The following ARIH1 variants were observed in gnomAD, a reference collection of about 807,000 sequenced individuals.
ARIH1 encodes the protein E3 ubiquitin-protein ligase ARIH1.
Under a neutral mutation model 85.0 loss-of-function variants are expected in ARIH1, and 8 were observed. The observed-to-expected ratio is 0.09, with a 90% CI of 0.06 to 0.17. The LOEUF is 0.17. Ranked by LOEUF, ARIH1 falls within the 10% of genes least tolerant of loss-of-function variation. The pLI is 1.00. For missense variants in ARIH1, 311 were observed against 718.1 expected (o/e 0.43, Z 6.48); for synonymous variants, 238 against 253.6 (o/e 0.94, Z 0.59).
At chr15:72,517,194 G>C (rs2063978881) in intron 1 of ARIH1, among the ~76,000 whole-genome samples, 1 of 152,008 alleles carries the variant, frequency 6.6e-6, no homozygotes, top group Non-Finnish European at 1.5e-5. Context: ...TTTTCATTTT[G>C]GTTAAATATC....
Position 72,596,286 on chromosome 15 carries a change from G to C in ARIH1, c.*12994G>C, listed in dbSNP as rs555637000. On this transcript the variant is annotated 3_prime_UTR_variant, in exon 14 of 14. Coordinates refer to ENST00000379887, the MANE Select transcript of ARIH1 (RefSeq NM_005744.5). ...AGTACTTTAAAGAAGTTATTTTATT[G>C]TACTCAGGCCTCATTTGTTTCTGGT... 1 of 152,124 alleles carries C rather than the reference G, an allele frequency of 6.6e-6. No individual in the cohort carries two copies. The highest frequency in any genetic ancestry group is 6.6e-5 in the Admixed American group (1 of 15,266). The allele number at this position is 152,124 out of a possible 1,614,324, so 9.4% of individuals were successfully genotyped here.
chr15:72,561,436 T>TA, intron 5 of ARIH1, 47 bp from the exon 6 acceptor site: 1 of 1,357,674 alleles, frequency 7.4e-7, no homozygotes, highest in Non-Finnish European at 1.0e-6. Flanking sequence ...ATGTGGAAAA[T>TA]ACTCTTGACT....
intron 2 of ARIH1, among the ~76,000 whole-genome samples, chr15:72,521,345 A>T (rs2063999189): frequency 6.6e-6 from 1 of 151,994 alleles, no homozygotes; most frequent in South Asian, 2.1e-4. Flanking sequence ...AACTCTTAAT[A>T]TACTGAAACT....
chr15:72,518,366 TG>T (rs556605922), intron 2 of ARIH1, among the ~76,000 whole-genome samples: 251 of 48,452 alleles, frequency 5.2e-3, no homozygotes, highest in African/African-American at 6.6e-3. Flanking sequence ...TATGTGTGTT[TG>T]GGGGTGTGCT....
rs1178554386 is a variant in ARIH1, at chr15:72,597,496, C to G, written c.*14204C>G. 1 of 152,032 alleles carries G rather than the reference C, an allele frequency of 6.6e-6. No homozygotes were observed. The highest frequency in any genetic ancestry group is 2.4e-5 in the African/African-American group (1 of 41,374). The allele number at this position is 152,032 out of a possible 1,614,324, so 9.4% of individuals were successfully genotyped here. On this transcript the variant is annotated 3_prime_UTR_variant, in exon 14 of 14. Transcript: ENST00000379887. ...TCTCAGCTCTCATGTGTGCCCTGCC[C>G]TTTTGTAGAGGAATGCCCACAATGC...
At chr15:72,501,010 A>T (rs1312074978) in intron 1 of ARIH1, among the ~76,000 whole-genome samples, 13 of 152,222 alleles carry the variant, frequency 8.5e-5, no homozygotes, top group Non-Finnish European at 1.8e-4. Flanking sequence ...TTCTTAGACC[A>T]AATATACACT....
At chr15:72,566,514 T>C (rs1366858595) in intron 7 of ARIH1, 49 bp from the exon 8 acceptor site, 1 of 1,474,822 alleles carries the variant, frequency 6.8e-7, no homozygotes, top group Middle Eastern at 1.7e-4. Context: ...ATTTACTTGC[T>C]TACAGTAGGT....
Position 72,474,775 on chromosome 15 carries a change from G to A in ARIH1, c.136G>A (p.Glu46Lys). The change falls in exon 1 of 14, where the codon GAG (glutamate) becomes AAG (lysine). Residue 46 changes from glutamate (E) to lysine (K), a missense_variant. Physicochemically the swap from Glu to Lys is moderately conservative, Grantham distance 56. Around this residue, in one of 3 missense-constraint regions of ARIH1, gnomAD observed 157 missense variants for 185.1 expected, o/e 0.85. Transcript: ENST00000379887. ...DDDTLDLGEV[E>K]LVEPGLGVGG... The stretch of plus-strand genomic sequence containing the variant: ...TGATACCCTGGATCTGGGCGAGGTG[G>A]AGCTGGTGGAGCCCGGGCTGGGCGT... The A allele has an allele frequency of 6.5e-7, 1 of 1,531,084 alleles. No individual in the cohort carries two copies. Among genetic ancestry groups the A allele is most frequent in the East Asian group, 2.7e-5 (1 of 37,276 alleles). The allele number at this position is 1,531,084 out of a possible 1,614,324, so 94.8% of individuals were successfully genotyped here.
In ARIH1 at chr15:72,474,647, C is replaced by A; in HGVS notation, c.8C>A (p.Ser3Ter). 1 of 1,532,350 alleles carries A rather than the reference C, an allele frequency of 6.5e-7. No homozygotes were observed. Among genetic ancestry groups the A allele is most frequent in the Non-Finnish European group, 8.8e-7 (1 of 1,141,152 alleles). The allele number at this position is 1,532,350 out of a possible 1,614,324, so 94.9% of individuals were successfully genotyped here. A position where few individuals can be genotyped will look rare whatever the true frequency, so the allele number is the denominator to read the frequency against. MD[S>*]DEGYNYEFDE... Reference sequence around the variant, plus strand: ...GCCCCCGCGCGTCGCGCCATGGACTCGGACGAGGGCTACAACTACGAGTTC... The same window carrying A: ...GCCCCCGCGCGTCGCGCCATGGACTAGGACGAGGGCTACAACTACGAGTTC... Residue 3 changes from serine to a stop codon, truncating the protein, a stop_gained, in exon 1 of 14, where the codon TCG (serine) becomes TAG (stop). Coordinates refer to ENST00000379887, the MANE Select transcript of ARIH1 (RefSeq NM_005744.5). LOFTEE classifies it high-confidence loss of function.
chr15:72,552,754 A>G (rs994761923), intron 3 of ARIH1, among the ~76,000 whole-genome samples: 29 of 150,814 alleles, frequency 1.9e-4, no homozygotes, highest in African/African-American at 7.1e-4. Flanking sequence ...AACAAACAAC[A>G]GGGATGGGAA....
chr15:72,540,455 C>T (rs1187218106), intron 2 of ARIH1, among the ~76,000 whole-genome samples: 1 of 151,910 alleles, frequency 6.6e-6, no homozygotes, highest in African/African-American at 2.4e-5. Context: ...TTAGTAATTT[C>T]CAAATAAACA....
At chr15:72,564,616 C>G (rs1385122822) in intron 7 of ARIH1, among the ~76,000 whole-genome samples, 1 of 152,198 alleles carries the variant, frequency 6.6e-6, no homozygotes, top group Non-Finnish European at 1.5e-5. Context: ...AGCACCCTCA[C>G]TTCTTGGTAC....
At position 72,586,101 on chromosome 15, in the gene ARIH1, C is replaced by G. The variant is rs1461088299; in HGVS notation, c.*2809C>G. On this transcript the variant is annotated 3_prime_UTR_variant, in exon 14 of 14. Coordinates refer to ENST00000379887, the MANE Select transcript of ARIH1 (RefSeq NM_005744.5). ...GGTAAAATTGAGTAGCATATAATAT[C>G]AGACTAAATTATCTGTAATTTTCCA... 1 of 152,154 alleles carries G rather than the reference C, an allele frequency of 6.6e-6. No homozygotes were observed. Among genetic ancestry groups the G allele is most frequent in the Non-Finnish European group, 1.5e-5 (1 of 68,028 alleles). The allele number at this position is 152,154 out of a possible 1,614,324, so 9.4% of individuals were successfully genotyped here.
chr15:72,544,553 TACAC>T (rs3028479), intron 2 of ARIH1, among the ~76,000 whole-genome samples: 4 of 149,376 alleles, frequency 2.7e-5, no homozygotes, highest in Non-Finnish European at 4.5e-5. Flanking sequence ...TTTACATACA[TACAC>T]ACACACACAC....
chr15:72,478,004 C>A (rs1023366645), intron 1 of ARIH1, among the ~76,000 whole-genome samples: 2 of 152,172 alleles, frequency 1.3e-5, no homozygotes, highest in African/African-American at 4.8e-5. Context: ...CAGGGTTTCC[C>A]CATGTTCATC....
At chr15:72,478,376 C>T (rs1342133768) in intron 1 of ARIH1, among the ~76,000 whole-genome samples, 1 of 152,132 alleles carries the variant, frequency 6.6e-6, no homozygotes, top group African/African-American at 2.4e-5. Context: ...CTGGGCCTCC[C>T]AAAGTGCTGG....
intron 1 of ARIH1, among the ~76,000 whole-genome samples, chr15:72,501,354 G>A (rs1394833635): frequency 6.6e-6 from 1 of 152,092 alleles, no homozygotes; most frequent in East Asian, 1.9e-4. Flanking sequence ...ATAATCTTAT[G>A]TTTGTTATTG....
intron 1 of ARIH1, among the ~76,000 whole-genome samples, chr15:72,509,368 G>A (rs1233726075): frequency 6.6e-6 from 1 of 152,076 alleles, no homozygotes; most frequent in Non-Finnish European, 1.5e-5. Flanking sequence ...AATACTTTAA[G>A]TTTCATACAA....
chr15:72,564,013 G>T (rs775053447), intron 7 of ARIH1, among the ~76,000 whole-genome samples: 4 of 152,152 alleles, frequency 2.6e-5, no homozygotes, highest in Non-Finnish European at 5.9e-5. Flanking sequence ...GAAGTTTCCA[G>T]TGCCACATAT....
Sources: allele counts gnomAD v4.1 joint callset (sites outside exome capture counted in the v4.1 genomes callset), GRCh38; gene constraint gnomAD v4.1.1; regional missense constraint gnomAD v4.1.1; transcripts MANE v1.5; gene names NCBI Gene and HGNC (gene_info 2026-07-23, HGNC 2026-07-21).